Variants in CD72 observed in about 807,000 individuals in gnomAD.
CD72 encodes B-cell differentiation antigen CD72.
In CD72, 28 loss-of-function variants were observed where a neutral mutation model predicts 50.7. The observed-to-expected ratio is 0.55, with a 90% CI of 0.41 to 0.76. CD72 has a LOEUF of 0.76. Among genes scored for constraint, CD72 ranks in the 30% least tolerant of loss-of-function variants. The pLI, the probability that CD72 is intolerant of heterozygous loss-of-function variation, is 0.00. For missense variants in CD72, 403 were observed against 420.6 expected, an observed-to-expected ratio of 0.96 and a Z score of 0.37; for synonymous variants, 176 against 171.2, an observed-to-expected ratio of 1.03 and a Z score of -0.22.
intron 1 of CD72, among the ~76,000 whole-genome samples, chr9:35,625,099 A>G (rs890155611): frequency 2.6e-5 from 4 of 152,240 alleles, no homozygotes; most frequent in African/African-American, 9.6e-5. Flanking sequence ...ATCAAAAGCC[A>G]GAAAGGATTA....
At chr9:35,636,870 G>A (rs1026650784) in intron 1 of CD72, among the ~76,000 whole-genome samples, 3 of 152,176 alleles carry the variant, frequency 2.0e-5, no homozygotes, top group African/African-American at 4.8e-5. Flanking sequence ...TGACCTGCAC[G>A]GATACATCCA....
At chr9:35,615,803 A>G in intron 5 of CD72, 140 bp downstream of exon 5, 1 of 666,902 alleles carries the variant, frequency 1.5e-6, no homozygotes, top group South Asian at 1.9e-5. Flanking sequence ...GCCAAGGCTG[A>G]ACAGCTCATG....
At chr9:35,618,946 C>G (rs1178475834), upstream of CD72, 2 of 352,226 alleles carry the variant, frequency 5.7e-6, no homozygotes, top group Non-Finnish European at 1.1e-5. Context: ...CCCCCATGCA[C>G]CCTCATGGGG....
At chr9:35,613,077 A>T in intron 5 of CD72, 84 bp from the exon 6 acceptor site, 1 of 1,191,260 alleles carries the variant, frequency 8.4e-7, no homozygotes, top group East Asian at 2.4e-5. Flanking sequence ...ATATTCCCCC[A>T]GAGCTAATCT....
intron 1 of CD72, among the ~76,000 whole-genome samples, chr9:35,627,412 G>A (rs905966836): frequency 2.6e-5 from 4 of 151,932 alleles, no homozygotes; most frequent in African/African-American, 9.7e-5. Flanking sequence ...TTACAGGCGA[G>A]AGCCACTGCG....
intron 1 of CD72, among the ~76,000 whole-genome samples, chr9:35,634,037 A>C (rs1823269059): frequency 6.6e-6 from 1 of 152,186 alleles, no homozygotes; most frequent in African/African-American, 2.4e-5. Context: ...ACAGTCTTTT[A>C]ATGGTAGATT....
chr9:35,644,127 A>G (rs1823365145), intron 1 of CD72, among the ~76,000 whole-genome samples: 1 of 151,232 alleles, frequency 6.6e-6, no homozygotes. Flanking sequence ...TGGGTGGATC[A>G]TGAGGTCAGG....
chr9:35,639,013 G>C (rs1823315943), intron 1 of CD72, among the ~76,000 whole-genome samples: 1 of 151,040 alleles, frequency 6.6e-6, no homozygotes, highest in Non-Finnish European at 1.5e-5. Flanking sequence ...GGGCCGGAAG[G>C]CCGCCTTATT....
intron 2 of CD72, among the ~76,000 whole-genome samples, chr9:35,617,761 T>C (rs574737825): frequency 6.6e-6 from 1 of 152,284 alleles, no homozygotes; most frequent in East Asian, 1.9e-4. Context: ...CCCCAGGGTA[T>C]TGTGCTCTCA....
chr9:35,610,521 C>G (rs1283243049), intron 8 of CD72, 81 bp downstream of exon 8: 1 of 1,123,412 alleles, frequency 8.9e-7, no homozygotes, highest in Non-Finnish European at 1.2e-6. Context: ...TCTCGGGCCC[C>G]TGGGCCCCTG....
intron 1 of CD72, among the ~76,000 whole-genome samples, chr9:35,640,382 C>G (rs1316317196): frequency 6.6e-6 from 1 of 152,222 alleles, no homozygotes; most frequent in Admixed American, 6.5e-5. Flanking sequence ...GCCTTGTGTT[C>G]TCTGACTTGG....
intron 1 of CD72, among the ~76,000 whole-genome samples, chr9:35,645,887 C>T (rs1006476891): frequency 6.6e-6 from 1 of 151,656 alleles, no homozygotes; most frequent in Non-Finnish European, 1.5e-5. Flanking sequence ...TGGCCAGGCT[C>T]GGTGGCTCAA....
chr9:35,616,373 T>G (rs1483280397), intron 4 of CD72, 95 bp from the exon 5 acceptor site: 4 of 1,018,530 alleles, frequency 3.9e-6, no homozygotes, highest in Non-Finnish European at 5.8e-6. Context: ...TCTTGCAACT[T>G]TTTGCATCAC....
upstream of CD72, among the ~76,000 whole-genome samples, chr9:35,622,581 T>G (rs1332122189): frequency 1.3e-5 from 2 of 151,894 alleles, no homozygotes; most frequent in African/African-American, 4.8e-5. Flanking sequence ...AAGGTCAGAA[T>G]TTCGAGACCA....
At position 35,611,308 on chromosome 9, in the gene CD72, T is replaced by C. The variant is rs377140981; in HGVS notation, c.950+496A>G. ...GGAACATAAGGAGGTTGCCACCCTG[T>C]TTCAGGGTCCCTAGGGTTGATCCTC... On this transcript the variant is annotated intron_variant, in intron 7 of 8. Coordinates refer to ENST00000259633, the MANE Select transcript of CD72 (RefSeq NM_001782.3). 8.6e-5 allele frequency among the ~76,000 whole-genome samples: 13 copies of C among 151,996 alleles called. No homozygotes were observed. In the South Asian group the frequency reaches 1.5e-3, roughly 17 times the overall value.
At chr9:35,634,693 T>C (rs1823274093) in intron 1 of CD72, among the ~76,000 whole-genome samples, 1 of 152,078 alleles carries the variant, frequency 6.6e-6, no homozygotes, top group Admixed American at 6.5e-5. Context: ...CCTTCCTTTC[T>C]CCCATTTTTC....
intron 7 of CD72, 22 bp from the exon 8 acceptor site, chr9:35,610,775 C>G (rs1822968553): frequency 6.3e-7 from 1 of 1,598,262 alleles, no homozygotes; most frequent in African/African-American, 1.3e-5. Flanking sequence ...TAAGGTAGAG[C>G]TGGGATATGC....
At chr9:35,623,933 A>G (rs921779194), upstream of CD72, among the ~76,000 whole-genome samples, 1 of 150,884 alleles carries the variant, frequency 6.6e-6, no homozygotes, top group African/African-American at 2.4e-5. Flanking sequence ...TGGGTTAAAA[A>G]GACAAATTTA....
chr9:35,621,560 G>A (rs927303188), upstream of CD72, among the ~76,000 whole-genome samples: 11 of 152,220 alleles, frequency 7.2e-5, no homozygotes, highest in African/African-American at 2.7e-4. Flanking sequence ...CGAATCCCCA[G>A]AACCTGTGAC....
Sources: gnomAD v4.1 joint callset for allele counts (sites outside exome capture counted in the v4.1 genomes callset) on GRCh38, gnomAD v4.1.1 for gene constraint, MANE v1.5 for transcripts, NCBI Gene and HGNC (gene_info 2026-07-23, HGNC 2026-07-21) for gene names.